COL5A1: variants seen among roughly 807,000 people sequenced by gnomAD.
COL5A1 encodes the protein collagen type V alpha 1 chain.
Under a neutral mutation model 263.7 loss-of-function variants are expected in COL5A1, and 16 were observed. The observed-to-expected ratio is 0.06, with a 90% CI of 0.04 to 0.09. COL5A1 has a LOEUF of 0.09. COL5A1 is among the 10% of genes least tolerant of loss of function. The probability of loss-of-function intolerance (pLI) is 1.00; values close to 1 mark genes in which losing one functional copy is unlikely to be tolerated. For missense variants in COL5A1, 2,036 were observed against 2,540.5 expected (o/e 0.80, Z 4.27); for synonymous variants, 1,012 against 1,004.5 (o/e 1.01, Z -0.14).
chr9:134,730,082 C>T (rs1834822005), intron 6 of COL5A1, among the ~76,000 whole-genome samples, 154 bp from the exon 7 acceptor site: 1 of 152,152 alleles, frequency 6.6e-6, no homozygotes, highest in Non-Finnish European at 1.5e-5. Context: ...ATGGGGGCGG[C>T]CCCTGCACCC....
chr9:134,755,870 C>T lies in COL5A1; in HGVS notation c.1828-895C>T, dbSNP rs1032902665. Among the ~76,000 whole-genome samples, 7 of 152,176 alleles carry T rather than the reference C, an allele frequency of 4.6e-5. No individual in the cohort carries two copies. The highest frequency in any genetic ancestry group is 1.7e-4 in the African/African-American group (7 of 41,442). ...TGCTTTGAGACCCTAAGCTGCCACC[C>T]TCCAGATCTTCTCTCTGCTTGGTGG... On this transcript the variant is annotated intron_variant, in intron 16 of 65. Transcript: ENST00000371817. The surrounding 1 kb of genome is among the most constrained non-coding windows in gnomAD (Gnocchi z 4.1).
intron 63 of COL5A1, among the ~76,000 whole-genome samples, chr9:134,828,458 AGATGCACACTACACACCACACG>A (rs1839388267): frequency 7.0e-6 from 1 of 143,526 alleles, no homozygotes; most frequent in African/African-American, 2.8e-5. Context: ...ACACACACGC[AGATGCACACTACACACCACACG>A]CACAGATACA....
intron 25 of COL5A1, among the ~76,000 whole-genome samples, chr9:134,771,776 C>T (rs957212216): frequency 3.3e-5 from 5 of 152,192 alleles, no homozygotes; most frequent in Non-Finnish European, 5.9e-5. Flanking sequence ...GCTCACACAG[C>T]AGGTTGAGTG....
intron 64 of COL5A1, among the ~76,000 whole-genome samples, chr9:134,831,292 A>G (rs981511359): frequency 6.6e-6 from 1 of 152,168 alleles, no homozygotes; most frequent in African/African-American, 2.4e-5. Context: ...TTGGTTTGAA[A>G]TCATATACCA....
At chr9:134,801,804 A>T in intron 37 of COL5A1, 150 bp from the exon 38 acceptor site, 4 of 733,886 alleles carry the variant, frequency 5.5e-6, no homozygotes, top group South Asian at 3.0e-5. Flanking sequence ...AAAAAAAATG[A>T]AACAAGAGAC....
Position 134,771,207 on chromosome 9 carries a change from CG to C in COL5A1, c.2287-1581del, listed in dbSNP as rs1364103778. ...TCTGCCCGGTCCAGAGCCGGGCTCT[CG>C]GCCCCCCTGCAGATCCACCCACTAG... On this transcript the variant is annotated intron_variant, in intron 25 of 65. Coordinates refer to ENST00000371817, the MANE Select transcript of COL5A1 (RefSeq NM_000093.5). Among the ~76,000 whole-genome samples, 9 of 152,388 alleles carry C rather than the reference CG, an allele frequency of 5.9e-5. No homozygotes were observed. The East Asian group carries it at 1.7e-3, about 29-fold the overall frequency.
chr9:134,691,226 T>C (rs1284809420), intron 2 of COL5A1, 147 bp downstream of exon 2: 4 of 1,005,604 alleles, frequency 4.0e-6, no homozygotes, highest in Non-Finnish European at 4.4e-6. Context: ...CGTTTCACTG[T>C]AGTGAAAAGG....
intron 57 of COL5A1, among the ~76,000 whole-genome samples, chr9:134,819,734 T>C (rs926908940): frequency 5.3e-5 from 8 of 152,232 alleles, no homozygotes; most frequent in African/African-American, 1.9e-4. Flanking sequence ...CATCTTTCTT[T>C]CCGTGTCAGT....
At chr9:134,779,110 T>A (rs903908445) in intron 27 of COL5A1, among the ~76,000 whole-genome samples, 2 of 152,248 alleles carry the variant, frequency 1.3e-5, no homozygotes, top group African/African-American at 2.4e-5. Context: ...TCCAGTGCTC[T>A]GTGGCCCCGG....
In COL5A1 at chr9:134,804,956, T is replaced by A. The variant is rs753103074; in HGVS notation, c.3115-19T>A. On this transcript the variant is annotated intron_variant, in intron 39 of 65. Transcript: ENST00000371817. ...GCGTCACTGGCTCCAGGAAAGCTCA[T>A]CTCTGACTCTGTTTTCAGGGTGACC... 1 of 1,608,224 alleles carries A rather than the reference T, an allele frequency of 6.2e-7. No homozygotes were observed. The highest frequency in any genetic ancestry group is 1.7e-5 in the Admixed American group (1 of 60,012).
Position 134,811,614 on chromosome 9 carries a change from C to T in COL5A1, c.3690+15C>T. 6.6e-7 allele frequency: 1 copy of T among 1,524,542 alleles called. No individual in the cohort carries two copies. The highest frequency in any genetic ancestry group is 8.9e-7 in the Non-Finnish European group (1 of 1,122,026). The allele number at this position is 1,524,542 out of a possible 1,614,324, so 94.4% of individuals were successfully genotyped here. A position where few individuals can be genotyped will look rare whatever the true frequency, so the allele number is the denominator to read the frequency against. The stretch of plus-strand genomic sequence containing the variant: ...TGGGGCTGCAGGTAACTGTGGGGTT[C>T]TCACCACACCGGGCTCCTCCGCTTC... On this transcript the variant is annotated intron_variant, in intron 46 of 65. Coordinates refer to ENST00000371817, the MANE Select transcript of COL5A1 (RefSeq NM_000093.5).
chr9:134,774,740 G>A, intron 26 of COL5A1, 119 bp from the exon 27 acceptor site: 1 of 1,043,738 alleles, frequency 9.6e-7, no homozygotes, highest in Admixed American at 2.0e-5. Flanking sequence ...GAGGCTCTGA[G>A]CTGGGATGTT....
chr9:134,685,802 A>G (rs1833053939), intron 1 of COL5A1, among the ~76,000 whole-genome samples: 1 of 129,350 alleles, frequency 7.7e-6, no homozygotes, highest in Admixed American at 7.9e-5. Context: ...TCCATCATCC[A>G]TCTATCCATC....
chr9:134,766,516 C>T lies in COL5A1; in HGVS notation c.2133+18C>T, dbSNP rs751486483. 1.8e-5 allele frequency: 29 copies of T among 1,613,416 alleles called. No homozygotes were observed. In the East Asian group the frequency reaches 2.0e-4, roughly 11 times the overall value. On this transcript the variant is annotated intron_variant, in intron 22 of 65. Transcript: ENST00000371817. ...GAAATGTGGTAAGTCCCTGGGGTCC[C>T]GTGGCCTGGCTTCAGGGGCACTTTC...
At chr9:134,828,824 CCA>C (rs1839434823) in intron 63 of COL5A1, among the ~76,000 whole-genome samples, 1 of 151,350 alleles carries the variant, frequency 6.6e-6, no homozygotes, top group Non-Finnish European at 1.5e-5. Flanking sequence ...CACACACACA[CCA>C]CACATCACAC....
chr9:134,783,427 G>A (rs1588543822), intron 29 of COL5A1, among the ~76,000 whole-genome samples: 1 of 152,224 alleles, frequency 6.6e-6, no homozygotes. Context: ...CAAAGGGCAC[G>A]AAGGAAGGGT....
chr9:134,659,910 AT>A (rs1393839301), intron 1 of COL5A1, among the ~76,000 whole-genome samples: 1 of 152,052 alleles, frequency 6.6e-6, no homozygotes, highest in Non-Finnish European at 1.5e-5. Context: ...ATAGGGGAGG[AT>A]TATCGCCAGG....
Position 134,691,270 on chromosome 9 carries a change from G to A in COL5A1, c.277+191G>A, listed in dbSNP as rs141763503. Among the ~76,000 whole-genome samples, 253 of 152,362 alleles carry A rather than the reference G, an allele frequency of 1.7e-3. 1 individual carries two copies. The highest frequency in any genetic ancestry group is 5.9e-3 in the African/African-American group (246 of 41,594). ...ACAGTGGGATTTTGTCCTTCTGGACGGGACTGGGCTTTGTCACTGTCCTTC... is the reference window on the plus strand; with the variant it reads ...ACAGTGGGATTTTGTCCTTCTGGACAGGACTGGGCTTTGTCACTGTCCTTC... On this transcript the variant is annotated intron_variant, in intron 2 of 65. Coordinates refer to ENST00000371817, the MANE Select transcript of COL5A1 (RefSeq NM_000093.5).
chr9:134,653,582 C>G (rs1377558988), intron 1 of COL5A1: 1 of 152,674 alleles, frequency 6.5e-6, no homozygotes, highest in Non-Finnish European at 1.5e-5. Context: ...CCCCCCTCAC[C>G]CAGACCTCCC....
Sources: allele counts gnomAD v4.1 joint callset (sites outside exome capture counted in the v4.1 genomes callset), GRCh38; gene constraint gnomAD v4.1.1; non-coding constraint Gnocchi (gnomAD v3.1); transcripts MANE v1.5; gene names NCBI Gene and HGNC (gene_info 2026-07-23, HGNC 2026-07-21).